DEFB112: variants seen among roughly 807,000 people sequenced by gnomAD.
The protein encoded by DEFB112 is beta-defensin 112.
Under a neutral mutation model 1.1 loss-of-function variants are expected in DEFB112, and 2 were observed. The observed-to-expected ratio is 1.85, with a 90% CI of 0.76 to 5.83. The LOEUF (loss-of-function observed/expected upper bound fraction) is 5.83, where lower values mean the gene tolerates loss of function less well. DEFB112 is among the 30% of genes most tolerant of loss of function. The pLI is 0.05. For synonymous variants in DEFB112, 40 were observed against 31.2 expected (o/e 1.28, Z -0.93); for missense variants, 120 against 94.4 (o/e 1.27, Z -1.12).
In DEFB112 at chr6:50,043,223, C is replaced by T. The variant is rs1226829604; in HGVS notation, c.*352G>A. ...GGTCACATCTCTTATCAACTCTGTCCCCACTCCTGAGTCTCCTCAAAGAAT... is the reference window on the plus strand; with the variant it reads ...GGTCACATCTCTTATCAACTCTGTCTCCACTCCTGAGTCTCCTCAAAGAAT... On this transcript the variant is annotated 3_prime_UTR_variant, in exon 2 of 2. Coordinates refer to ENST00000651554, the MANE Select transcript of DEFB112 (RefSeq NM_001369057.2). Among the ~76,000 whole-genome samples, 3 of 151,902 alleles carry T rather than the reference C, an allele frequency of 2.0e-5. No individual in the cohort carries two copies. Among genetic ancestry groups the T allele is most frequent in the South Asian group, 2.1e-4 (1 of 4,822 alleles).
intron 1 of DEFB112, among the ~76,000 whole-genome samples, chr6:50,044,898 T>TA: frequency 6.6e-6 from 1 of 152,084 alleles, no homozygotes; most frequent in Admixed American, 6.6e-5. Context: ...TCCATCTTTT[T>TA]AAATAAAATA....
chr6:50,045,588 C>A (rs1774818568), intron 1 of DEFB112, among the ~76,000 whole-genome samples: 3 of 152,052 alleles, frequency 2.0e-5, no homozygotes, highest in East Asian at 1.9e-4. Context: ...TATGTGTATA[C>A]AATCAGGTGT....
chr6:50,043,906 A>G (rs1303600513), intron 1 of DEFB112, 105 bp from the exon 2 acceptor site: 5 of 974,196 alleles, frequency 5.1e-6, no homozygotes, highest in African/African-American at 1.6e-5. Context: ...GAAATAAAGG[A>G]AATGGATATT....
At chr6:50,046,233 G>GTGTA (rs1014172981) in intron 1 of DEFB112, among the ~76,000 whole-genome samples, 13 of 151,192 alleles carry the variant, frequency 8.6e-5, no homozygotes, top group African/African-American at 2.9e-4. Context: ...GTGTGTGTGT[G>GTGTA]TGTGTGTGTG....
At position 50,048,586 on chromosome 6, in the gene DEFB112, A is replaced by T. The variant is rs190024828; in HGVS notation, c.58+1226T>A. 9 of 1,613,664 alleles carry T rather than the reference A, an allele frequency of 5.6e-6. No individual in the cohort carries two copies. In the Admixed American group the frequency reaches 1.3e-4, roughly 24 times the overall value. ...GTCGGGCCTTTTCAAATATTGTGGA[A>T]GATGTATTTGTCTTTGAGTACATTT... On this transcript the variant is annotated intron_variant, in intron 1 of 1. Transcript: ENST00000651554.
At chr6:50,044,276 G>C (rs183045695) in intron 1 of DEFB112, among the ~76,000 whole-genome samples, 50 of 151,952 alleles carry the variant, frequency 3.3e-4, no homozygotes, top group African/African-American at 1.1e-3. Flanking sequence ...TCTCCTCTTG[G>C]ATTTGCACCC....
rs576200806 is a variant in DEFB112, at chr6:50,042,109, G to C, written c.*1466C>G. The stretch of plus-strand genomic sequence containing the variant: ...GAATGCACACATTAATACAATTATA[G>C]CAGCTTTATTCATAATTTTCATCTA... On this transcript the variant is annotated 3_prime_UTR_variant, in exon 2 of 2. Transcript: ENST00000651554. Among the ~76,000 whole-genome samples, 8 of 151,854 alleles carry C rather than the reference G, an allele frequency of 5.3e-5. No homozygotes were observed.
Position 50,049,904 on chromosome 6 carries a change from A to T in DEFB112, c.-35T>A, listed in dbSNP as rs1282664568. Among the ~76,000 whole-genome samples the T allele has an allele frequency of 6.6e-6, 1 of 152,076 alleles. No individual in the cohort carries two copies. Among genetic ancestry groups the T allele is most frequent in the Non-Finnish European group, 1.5e-5 (1 of 67,982 alleles). The stretch of plus-strand genomic sequence containing the variant: ...TTTCTTGGTATAAAACAGTGTACAG[A>T]TCATCTGTCTGACTCAGCTGTTGTT... On this transcript the variant is annotated 5_prime_UTR_variant, in exon 1 of 2. Coordinates refer to ENST00000651554, the MANE Select transcript of DEFB112 (RefSeq NM_001369057.2).
At position 50,043,725 on chromosome 6, in the gene DEFB112, T is replaced by TG; in HGVS notation, c.134_135insC (p.Gln45HisfsTer3). ...AAATCCTAAATTCACTATCATCACATTGATTTTTACATCGACCTCCAATCG... is the reference window on the plus strand; with the variant it reads ...AAATCCTAAATTCACTATCATCACATGTGATTTTTACATCGACCTCCAATCG... On this transcript the variant is annotated frameshift_variant, in exon 2 of 2. Coordinates refer to ENST00000651554, the MANE Select transcript of DEFB112 (RefSeq NM_001369057.2). LOFTEE classifies it low-confidence loss of function (END_TRUNC). The TG allele has an allele frequency of 6.2e-7, 1 of 1,613,546 alleles. No homozygotes were observed. The highest frequency in any genetic ancestry group is 8.5e-7 in the Non-Finnish European group (1 of 1,179,592).
chr6:50,049,004 G>T (rs774287686), intron 1 of DEFB112, among the ~76,000 whole-genome samples: 2 of 151,960 alleles, frequency 1.3e-5, no homozygotes, highest in Non-Finnish European at 2.9e-5. Context: ...CCTCAGAAAA[G>T]TTCTAAATAT....
intron 1 of DEFB112, among the ~76,000 whole-genome samples, chr6:50,047,866 C>T (rs1333074430): frequency 6.6e-6 from 1 of 152,102 alleles, no homozygotes; most frequent in Non-Finnish European, 1.5e-5. Flanking sequence ...TTTGCCTTGG[C>T]CAGGCGTGGT....
chr6:50,046,051 T>C (rs1774826509), intron 1 of DEFB112, among the ~76,000 whole-genome samples: 1 of 152,130 alleles, frequency 6.6e-6, no homozygotes. Flanking sequence ...TTATGTTAGA[T>C]GATTTTGCCC....
At position 50,043,544 on chromosome 6, in the gene DEFB112, A is replaced by G. The variant is rs756022072; in HGVS notation, c.*31T>C. 6.4e-6 allele frequency: 10 copies of G among 1,556,794 alleles called. No homozygotes were observed. The highest frequency in any genetic ancestry group is 1.4e-5 in the African/African-American group (1 of 73,698). On this transcript the variant is annotated 3_prime_UTR_variant, in exon 2 of 2. Transcript: ENST00000651554. ...ATGAAATAATGAGAGGACTTCATTC[A>G]GATGTATCATCTTCTTGTGCATGGA...
intron 1 of DEFB112, among the ~76,000 whole-genome samples, chr6:50,046,958 G>A (rs1020131882): frequency 2.0e-5 from 3 of 152,168 alleles, no homozygotes; most frequent in African/African-American, 4.8e-5. Context: ...CTGGCCTCGG[G>A]GCTGAGTCCA....
chr6:50,047,594 T>G (rs1303779631), intron 1 of DEFB112, among the ~76,000 whole-genome samples: 2 of 152,182 alleles, frequency 1.3e-5, no homozygotes, highest in South Asian at 2.1e-4. Context: ...AAATTAGTGA[T>G]TCTGTAAAGG....
At chr6:50,048,142 C>T (rs113947693) in intron 1 of DEFB112, among the ~76,000 whole-genome samples, 38 of 146,802 alleles carry the variant, frequency 2.6e-4, no homozygotes, top group Admixed American at 2.1e-3. Flanking sequence ...AGTGAAACTC[C>T]GTCTCAAAAA....
In DEFB112 at chr6:50,043,672, C is replaced by A. The variant is rs1774784379; in HGVS notation, c.188G>T (p.Cys63Phe). The change falls in exon 2 of 2, where the codon TGC (cysteine) becomes TTC (phenylalanine). Residue 63 changes from cysteine (C) to phenylalanine (F), a missense_variant. Coordinates refer to ENST00000651554, the MANE Select transcript of DEFB112 (RefSeq NM_001369057.2). ...ISYCARPTTH[C>F]CVTECDPTDP... ...CGTAGGGTCACATTCTGTCACGCAGCAATGAGTTGTAGGTCTTGCACAGTA... is the reference window on the plus strand; with the variant it reads ...CGTAGGGTCACATTCTGTCACGCAGAAATGAGTTGTAGGTCTTGCACAGTA... The A allele has an allele frequency of 6.2e-7, 1 of 1,613,470 alleles. No homozygotes were observed. The highest frequency in any genetic ancestry group is 1.3e-5 in the African/African-American group (1 of 74,892).
At chr6:50,046,786 G>T (rs1482347687) in intron 1 of DEFB112, among the ~76,000 whole-genome samples, 1 of 152,138 alleles carries the variant, frequency 6.6e-6, no homozygotes, top group African/African-American at 2.4e-5. Flanking sequence ...AGAACTGAAG[G>T]AAATTTTGCC....
chr6:50,047,852 T>C (rs1774859761), intron 1 of DEFB112, among the ~76,000 whole-genome samples: 1 of 152,090 alleles, frequency 6.6e-6, no homozygotes, highest in Non-Finnish European at 1.5e-5. Context: ...TTGATAAAAA[T>C]AGTTTTGCCT....
Sources: allele counts gnomAD v4.1 joint callset (sites outside exome capture counted in the v4.1 genomes callset), GRCh38; gene constraint gnomAD v4.1.1; transcripts MANE v1.5; gene names NCBI Gene and HGNC (gene_info 2026-07-23, HGNC 2026-07-21).